Variants in RNF43 observed in about 807,000 individuals in gnomAD.
RNF43 encodes E3 ubiquitin-protein ligase RNF43.
In RNF43, 37 loss-of-function variants were observed where a neutral mutation model predicts 78.4. That is an observed-to-expected ratio of 0.47 (90% CI 0.36 to 0.62). The LOEUF is 0.62. Ranked by LOEUF, RNF43 falls within the 20% of genes least tolerant of loss-of-function variation. The pLI is 0.00. For missense variants in RNF43, 774 were observed against 1,007.9 expected, an observed-to-expected ratio of 0.77 and a Z score of 3.14; for synonymous variants, 347 against 395.0, an observed-to-expected ratio of 0.88 and a Z score of 1.44.
In RNF43 at chr17:58,358,639, C is replaced by A. The variant is rs2143422861; in HGVS notation, c.1137G>T (p.Gln379His). The A allele has an allele frequency of 6.5e-7, 1 of 1,536,158 alleles. No individual in the cohort carries two copies. Among genetic ancestry groups the A allele is most frequent in the African/African-American group, 1.4e-5 (1 of 73,440 alleles). ...PPRPGPFLPS[Q>H]EPGMGPRHHR... ...GATGCCGAGGGCCCATGCCTGGCTC[C>A]TGGGATGGCAGGAAGGGACCAGGTC... Residue 379 changes from glutamine to histidine, a missense_variant, in exon 9 of 10, where the codon CAG becomes CAT. Coordinates refer to ENST00000407977, the MANE Select transcript of RNF43 (RefSeq NM_017763.6). The surrounding 1 kb of genome is among the most constrained non-coding windows in gnomAD (Gnocchi z 6.2).
At chr17:58,377,036 T>A (rs2143543843) in intron 2 of RNF43, among the ~76,000 whole-genome samples, 1 of 129,680 alleles carries the variant, frequency 7.7e-6, no homozygotes, top group Middle Eastern at 4.1e-3. Context: ...CTATTCTCCC[T>A]GTGTCCTCCT....
intron 3 of RNF43, among the ~76,000 whole-genome samples, chr17:58,366,442 C>A (rs1972952891): frequency 6.6e-6 from 1 of 152,312 alleles, no homozygotes; most frequent in South Asian, 2.1e-4. Flanking sequence ...TGGAGGCATG[C>A]CCCCAGGGAG....
chr17:58,385,779 A>T (rs1973417711), intron 2 of RNF43, among the ~76,000 whole-genome samples: 1 of 152,202 alleles, frequency 6.6e-6, no homozygotes, highest in Admixed American at 6.5e-5. Context: ...TATCTCTTCC[A>T]AGCTGTGGGT....
At chr17:58,404,003 C>G (rs529728877) in intron 2 of RNF43, among the ~76,000 whole-genome samples, 6 of 152,138 alleles carry the variant, frequency 3.9e-5, no homozygotes, top group East Asian at 1.9e-4. Flanking sequence ...CTTGACGAAG[C>G]ATTTACAATA....
chr17:58,393,795 C>T (rs1973612097), intron 2 of RNF43, among the ~76,000 whole-genome samples: 2 of 152,198 alleles, frequency 1.3e-5, no homozygotes. Flanking sequence ...TGGCTCACGC[C>T]TGTAATCCCA....
At chr17:58,377,774 A>G (rs1299800475) in intron 2 of RNF43, among the ~76,000 whole-genome samples, 1 of 151,452 alleles carries the variant, frequency 6.6e-6, no homozygotes, top group Non-Finnish European at 1.5e-5. Context: ...TTGGACAGGT[A>G]ACTTTACTGC....
Position 58,370,926 on chromosome 17 carries a change from C to T in RNF43, c.360G>A (p.Leu120=). The T allele has an allele frequency of 6.2e-7, 1 of 1,603,354 alleles. No individual in the cohort carries two copies. Among genetic ancestry groups the T allele is most frequent in the African/African-American group, 1.3e-5 (1 of 74,880 alleles). The change falls in exon 3 of 10, where the codon CTG becomes CTA. Residue 120 remains leucine, a synonymous_variant. Coordinates refer to ENST00000407977, the MANE Select transcript of RNF43 (RefSeq NM_017763.6). ...GTGAGTCTACCTTGCTAGCCAGTGACAGGCAGGGGCGGGGGGCCCGTCGAG... is the reference window on the plus strand; with the variant it reads ...GTGAGTCTACCTTGCTAGCCAGTGATAGGCAGGGGCGGGGGGCCCGTCGAG... ...ESPRRAPRPC[L]SLASKARMAG...
At chr17:58,410,803 A>T (rs1974012133) in intron 2 of RNF43, among the ~76,000 whole-genome samples, 1 of 152,230 alleles carries the variant, frequency 6.6e-6, no homozygotes, top group African/African-American at 2.4e-5. Context: ...AAATACAGAG[A>T]TTATTAGAAG....
chr17:58,393,485 T>C (rs1158270469), intron 2 of RNF43, among the ~76,000 whole-genome samples: 1 of 152,196 alleles, frequency 6.6e-6, no homozygotes, highest in African/African-American at 2.4e-5. Context: ...CAGTATATGA[T>C]ACACATAACA....
chr17:58,364,790 TACTC>T (rs960294088), intron 3 of RNF43, among the ~76,000 whole-genome samples: 6 of 152,324 alleles, frequency 3.9e-5, no homozygotes, highest in African/African-American at 1.4e-4. Context: ...CGCTGGGACT[TACTC>T]ACAGGCTCAG....
intron 3 of RNF43, among the ~76,000 whole-genome samples, chr17:58,367,158 G>A (rs1295238614): frequency 2.0e-5 from 3 of 151,890 alleles, no homozygotes; most frequent in African/African-American, 7.3e-5. Context: ...GTGCCACCAC[G>A]CCTGGCTAAT....
rs1742303299 is a variant in RNF43, at chr17:58,377,671, C to G, written c.253-6638G>C. On this transcript the variant is annotated intron_variant, in intron 2 of 9. Transcript: ENST00000407977. The stretch of plus-strand genomic sequence containing the variant: ...TGTTTCCCAGGAACTCTCCTCCCCA[C>G]CCACCCACCCACCCCCTCCTGCCCC... 6.3e-5 allele frequency among the ~76,000 whole-genome samples: 8 copies of G among 126,240 alleles called. No individual in the cohort carries two copies. The South Asian group carries it at 2.2e-3, about 35-fold the overall frequency. The allele number at this position is 126,240 out of a possible 152,430, so 82.8% of individuals were successfully genotyped here.
chr17:58,406,995 G>C (rs1973921728), intron 2 of RNF43, among the ~76,000 whole-genome samples: 1 of 149,046 alleles, frequency 6.7e-6, no homozygotes, highest in Admixed American at 6.7e-5. Context: ...GGGTATTCTA[G>C]ATTTAAAGCA....
intron 2 of RNF43, among the ~76,000 whole-genome samples, chr17:58,373,904 C>T (rs1461120826): frequency 6.6e-6 from 1 of 152,184 alleles, no homozygotes; most frequent in African/African-American, 2.4e-5. Flanking sequence ...TGCCTGACTC[C>T]ATTGTCGGAG....
rs536918193 is a variant in RNF43, at chr17:58,392,183, G to A, written c.253-21150C>T. Among the ~76,000 whole-genome samples, 24 of 152,330 alleles carry A rather than the reference G, an allele frequency of 1.6e-4. No individual in the cohort carries two copies. The South Asian group carries it at 5.0e-3, about 32-fold the overall frequency. On this transcript the variant is annotated intron_variant, in intron 2 of 9. Coordinates refer to ENST00000407977, the MANE Select transcript of RNF43 (RefSeq NM_017763.6). ...AATATCATCTTAAGGACAGGACAGA[G>A]CAGGATAGAGTAGGAAACTTCAAAA...
intron 2 of RNF43, among the ~76,000 whole-genome samples, chr17:58,378,945 G>C (rs745750056): frequency 1.3e-4 from 20 of 152,214 alleles, no homozygotes; most frequent in Admixed American, 3.3e-4. Context: ...GTAGTTTATA[G>C]AAGAGATGTA....
intron 3 of RNF43, among the ~76,000 whole-genome samples, chr17:58,365,598 G>A (rs1972931100): frequency 6.6e-6 from 1 of 152,180 alleles, no homozygotes; most frequent in Admixed American, 6.5e-5. Context: ...AAAACAAACA[G>A]GACTTTCAGA....
In RNF43 at chr17:58,358,802, G is replaced by T. The variant is rs1341779684; in HGVS notation, c.974C>A (p.Ser325Tyr). ...TTGGTAAGATCGAGAGGGTCCCAGG[G>T]ACTGGGAAAATGAATCTCCCTCTGG... ...NITEGDSFSQ[S>Y]LGPSRSYQEP... Residue 325 changes from serine (S) to tyrosine (Y), a missense_variant, in exon 9 of 10, where the codon TCC (serine) becomes TAC (tyrosine). By Grantham distance (144) the Ser-to-Tyr change is moderately radical (BLOSUM62 -2). Coordinates refer to ENST00000407977, the MANE Select transcript of RNF43 (RefSeq NM_017763.6). This position sits in a 1 kb window ranked among gnomAD's most constrained non-coding sequence, Gnocchi z 6.2. 1 of 1,521,442 alleles carries T rather than the reference G, an allele frequency of 6.6e-7. No homozygotes were observed. The highest frequency in any genetic ancestry group is 8.8e-7 in the Non-Finnish European group (1 of 1,136,246). 94.2% of individuals were successfully genotyped at this position (1,521,442 alleles called of 1,614,324 possible).
rs1181077073 is a variant in RNF43 at position 58,357,119 on chromosome 17, C to A, written c.2308+349G>T. 8.9e-6 allele frequency: 6 copies of A among 673,258 alleles called. No homozygotes were observed. The highest frequency in any genetic ancestry group is 3.2e-5 in the South Asian group (2 of 63,124). 41.7% of individuals were successfully genotyped at this position (673,258 alleles called of 1,614,324 possible). ...ATGTTGGCCAGGTTGGTCTTGAACT[C>A]CTGGCCTCAAGGGATCCACCCACCT... On this transcript the variant is annotated intron_variant, in intron 9 of 9. Coordinates refer to ENST00000407977, the MANE Select transcript of RNF43 (RefSeq NM_017763.6). This position sits in a 1 kb window ranked among gnomAD's most constrained non-coding sequence, Gnocchi z 4.5.
Sources: gnomAD v4.1 joint callset for allele counts (sites outside exome capture counted in the v4.1 genomes callset) on GRCh38, gnomAD v4.1.1 for gene constraint, Gnocchi (gnomAD v3.1) non-coding constraint, MANE v1.5 for transcripts, NCBI Gene and HGNC (gene_info 2026-07-23, HGNC 2026-07-21) for gene names.